Variants in AGAP1 observed in about 807,000 individuals in gnomAD.
AGAP1 encodes the protein ArfGAP with GTPase domain, ankyrin repeat and PH domain 1.
In AGAP1, 29 loss-of-function variants were observed where a neutral mutation model predicts 105.3. The observed-to-expected ratio is 0.28, with a 90% CI of 0.21 to 0.38. AGAP1 has a LOEUF of 0.38. Ranked by LOEUF, AGAP1 falls within the 10% of genes least tolerant of loss-of-function variation. The pLI is 1.00. For synonymous variants in AGAP1, 509 were observed against 485.9 expected, an observed-to-expected ratio of 1.05 and a Z score of -0.63; for missense variants, 998 against 1,165.1, an observed-to-expected ratio of 0.86 and a Z score of 2.09.
In AGAP1 at chr2:235,799,390, A is replaced by G. The variant is rs761395219; in HGVS notation, c.825A>G (p.Leu275=). The change falls in exon 8 of 18, where the codon TTA becomes TTG. Residue 275 remains leucine, a synonymous_variant. Coordinates refer to ENST00000304032, the MANE Select transcript of AGAP1 (RefSeq NM_001037131.3). The surrounding 1 kb of genome is among the most constrained non-coding windows in gnomAD (Gnocchi z 5.0). ...ISQTSNGGGS[L]SDYSSSVPST... ...AGACAAGTAATGGAGGTGGGAGTTT[A>G]AGCGACTATTCCTCCTCCGTTCCAT... 6 of 1,614,058 alleles carry G rather than the reference A, an allele frequency of 3.7e-6. No homozygotes were observed. The highest frequency in any genetic ancestry group is 1.7e-5 in the Admixed American group (1 of 60,008).
chr2:235,718,759 TG>T (rs1951241264), intron 3 of AGAP1, among the ~76,000 whole-genome samples: 1 of 152,108 alleles, frequency 6.6e-6, no homozygotes, highest in Non-Finnish European at 1.5e-5. Flanking sequence ...CATACTGAAA[TG>T]ATGATCTAGG....
Position 235,982,559 on chromosome 2 carries a change from G to C in AGAP1, c.1645+13936G>C, listed in dbSNP as rs2055143214. Among the ~76,000 whole-genome samples the C allele has an allele frequency of 6.6e-6, 1 of 152,166 alleles. No individual in the cohort carries two copies. The highest frequency in any genetic ancestry group is 1.5e-5 in the Non-Finnish European group (1 of 68,044). On this transcript the variant is annotated intron_variant, in intron 13 of 17. Transcript: ENST00000304032. The surrounding 1 kb of genome is among the most constrained non-coding windows in gnomAD (Gnocchi z 4.9). ...GGTTCTAGGGGACTACTGAAGATAA[G>C]AATTTTCAACCTTCCTCTTCGTTGT... is the stretch of plus-strand genomic sequence containing the variant.
chr2:236,022,464 A>G (rs1453325579), intron 13 of AGAP1, among the ~76,000 whole-genome samples: 1 of 152,234 alleles, frequency 6.6e-6, no homozygotes, highest in South Asian at 2.1e-4. Context: ...CTTCTCAAGT[A>G]TACTAAGTAT....
At chr2:235,995,090 A>C (rs1576000915) in intron 13 of AGAP1, among the ~76,000 whole-genome samples, 3 of 132,838 alleles carry the variant, frequency 2.3e-5, no homozygotes, top group East Asian at 4.4e-4. Flanking sequence ...AAAAAAAAAA[A>C]AAAACAGAAT....
chr2:235,529,437 G>T (rs913667475), intron 1 of AGAP1, among the ~76,000 whole-genome samples: 22 of 152,204 alleles, frequency 1.4e-4, no homozygotes, highest in Non-Finnish European at 3.1e-4. Context: ...GTGTCCAGGG[G>T]TGCCTGATCT....
intron 16 of AGAP1, among the ~76,000 whole-genome samples, chr2:236,102,216 G>C (rs546534339): frequency 6.6e-6 from 1 of 152,128 alleles, no homozygotes; most frequent in Non-Finnish European, 1.5e-5. Context: ...AGGAGATCGA[G>C]ACCATCCTGG....
At chr2:236,069,321 T>G (rs1435468014) in intron 16 of AGAP1, among the ~76,000 whole-genome samples, 1 of 152,208 alleles carries the variant, frequency 6.6e-6, no homozygotes, top group Non-Finnish European at 1.5e-5. Flanking sequence ...CATAAAATCT[T>G]ACATTTCATA....
rs1333696631 is a variant in AGAP1 at position 236,101,409 on chromosome 2, TG to T, written c.2115-18782del. Among the ~76,000 whole-genome samples, 2 of 152,322 alleles carry T rather than the reference TG, an allele frequency of 1.3e-5. No homozygotes were observed. The highest frequency in any genetic ancestry group is 2.9e-5 in the Non-Finnish European group (2 of 68,030). ...GCAGCTTTTTCTGAATGTGTCGCCG[TG>T]TCATAGCCTGCGACCTTCTCTTTCT... On this transcript the variant is annotated intron_variant, in intron 16 of 17. Coordinates refer to ENST00000304032, the MANE Select transcript of AGAP1 (RefSeq NM_001037131.3). The surrounding 1 kb of genome is among the most constrained non-coding windows in gnomAD (Gnocchi z 4.9).
chr2:235,670,706 C>G (rs544478093), intron 1 of AGAP1: 2 of 760,838 alleles, frequency 2.6e-6, no homozygotes, highest in East Asian at 3.0e-5. Context: ...CGCCACGCAG[C>G]CCGCCTCGGA....
At chr2:235,841,022 G>A (rs1329496596) in intron 9 of AGAP1, among the ~76,000 whole-genome samples, 1 of 151,984 alleles carries the variant, frequency 6.6e-6, no homozygotes, top group Non-Finnish European at 1.5e-5. Flanking sequence ...TTTGAAAGAG[G>A]GAGATAAAGT....
chr2:235,644,486 A>C (rs1947307673), intron 1 of AGAP1, among the ~76,000 whole-genome samples: 1 of 152,110 alleles, frequency 6.6e-6, no homozygotes, highest in African/African-American at 2.4e-5. Context: ...ATCTGAGAGT[A>C]GCTCATCATC....
intron 13 of AGAP1, among the ~76,000 whole-genome samples, chr2:235,984,044 C>T (rs536562065): frequency 1.7e-4 from 26 of 152,206 alleles, no homozygotes; most frequent in Non-Finnish European, 2.9e-4. Flanking sequence ...ATCTGCTAAC[C>T]ATTAAGCAAC....
At chr2:236,107,091 C>T (rs897532628) in intron 16 of AGAP1, among the ~76,000 whole-genome samples, 2 of 152,304 alleles carry the variant, frequency 1.3e-5, no homozygotes, top group Middle Eastern at 3.4e-3. Context: ...GCTTTCTGTC[C>T]TCTCTTTACC....
intron 1 of AGAP1, among the ~76,000 whole-genome samples, chr2:235,649,700 G>C (rs1404307291): frequency 6.6e-6 from 1 of 152,194 alleles, no homozygotes; most frequent in Non-Finnish European, 1.5e-5. Context: ...CGCCTCCCAG[G>C]TGGCTGTGCT....
Position 235,728,497 on chromosome 2 carries a change from G to C in AGAP1, c.310+10853G>C, listed in dbSNP as rs150726719. ...ACAGTGTAGTCCTTTATCCATGCTT[G>C]TTGGCTTCTGGAACGCACAGTGTTC... On this transcript the variant is annotated intron_variant, in intron 3 of 17. Coordinates refer to ENST00000304032, the MANE Select transcript of AGAP1 (RefSeq NM_001037131.3). This position sits in a 1 kb window ranked among gnomAD's most constrained non-coding sequence, Gnocchi z 4.3. 2.0e-3 allele frequency among the ~76,000 whole-genome samples: 304 copies of C among 152,258 alleles called. 1 individual carries two copies. The highest frequency in any genetic ancestry group is 6.6e-3 in the African/African-American group (274 of 41,544).
At position 235,891,178 on chromosome 2, in the gene AGAP1, C is replaced by T. The variant is rs1216358328; in HGVS notation, c.1155+7729C>T. On this transcript the variant is annotated intron_variant, in intron 10 of 17. Coordinates refer to ENST00000304032, the MANE Select transcript of AGAP1 (RefSeq NM_001037131.3). The surrounding 1 kb of genome is among the most constrained non-coding windows in gnomAD (Gnocchi z 4.2). ...GCAATCTGGGACCTGGCCGCACTTG[C>T]TGCAGTACTGACCGCCCTAACAGCT... Among the ~76,000 whole-genome samples the T allele has an allele frequency of 6.6e-6, 1 of 152,168 alleles. No homozygotes were observed. The highest frequency in any genetic ancestry group is 1.5e-5 in the Non-Finnish European group (1 of 68,022).
chr2:235,694,460 C>A (rs1420595707), intron 1 of AGAP1, among the ~76,000 whole-genome samples: 6 of 124,810 alleles, frequency 4.8e-5, no homozygotes, highest in Non-Finnish European at 8.0e-5. Flanking sequence ...GCCTGGGCGA[C>A]AGAGCGAGAC....
At chr2:235,727,237 A>G (rs1290175182) in intron 3 of AGAP1, among the ~76,000 whole-genome samples, 1 of 151,942 alleles carries the variant, frequency 6.6e-6, no homozygotes, top group East Asian at 1.9e-4. Flanking sequence ...AGTATGATAG[A>G]CTAGGGCTGG....
At chr2:235,575,847 T>C (rs879138221) in intron 1 of AGAP1, among the ~76,000 whole-genome samples, 4 of 152,206 alleles carry the variant, frequency 2.6e-5, no homozygotes, top group East Asian at 1.9e-4. Flanking sequence ...TTTACTGAGA[T>C]TGGGGAGGGA....
Sources: gnomAD v4.1 joint callset for allele counts (sites outside exome capture counted in the v4.1 genomes callset) on GRCh38, gnomAD v4.1.1 for gene constraint, Gnocchi (gnomAD v3.1) non-coding constraint, MANE v1.5 for transcripts, NCBI Gene and HGNC (gene_info 2026-07-23, HGNC 2026-07-21) for gene names.